The following GALNT15 variants were observed in gnomAD, a reference collection of about 807,000 sequenced individuals.
GALNT15 encodes UDP-GalNAc transferase T15.
In GALNT15, 67 loss-of-function variants were observed where a neutral mutation model predicts 66.8. That is an observed-to-expected ratio of 1.00 (90% CI 0.82 to 1.23). GALNT15 has a LOEUF of 1.23. GALNT15 is among the 50% of genes most tolerant of loss of function. GALNT15 has a pLI of 0.00. For missense variants in GALNT15, 827 were observed against 804.3 expected (o/e 1.03, Z -0.34); for synonymous variants, 313 against 311.5 (o/e 1.00, Z -0.05).
At position 16,219,374 on chromosome 3, in the gene GALNT15, C is replaced by T. The variant is rs199950493; in HGVS notation, c.1393-29C>T. On this transcript the variant is annotated intron_variant, in intron 6 of 9. Transcript: ENST00000339732. This position sits in a 1 kb window ranked among gnomAD's most constrained non-coding sequence, Gnocchi z 4.3. ...AATTCTGGGCAAGACAAGCTTTCAT[C>T]ATCCTGCTTGTGTCTTTCTCCTCCC... 21 of 1,611,354 alleles carry T rather than the reference C, an allele frequency of 1.3e-5. No individual in the cohort carries two copies. In the East Asian group the frequency reaches 1.3e-4, roughly 10 times the overall value.
chr3:16,200,988 G>A lies in GALNT15; in HGVS notation c.911+165G>A, dbSNP rs2063694696. ...TGTGTAAGTTTTTTAAGACTATAGA[G>A]TTAGAGTTGGAAAGGAGGTTAGAGG... On this transcript the variant is annotated intron_variant, in intron 3 of 9. Coordinates refer to ENST00000339732, the MANE Select transcript of GALNT15 (RefSeq NM_054110.5). This position sits in a 1 kb window ranked among gnomAD's most constrained non-coding sequence, Gnocchi z 4.4. 6.6e-6 allele frequency among the ~76,000 whole-genome samples: 1 copy of A among 151,880 alleles called. No homozygotes were observed. The highest frequency in any genetic ancestry group is 2.4e-5 in the African/African-American group (1 of 41,178).
the GALNT15 span, among the ~76,000 whole-genome samples, chr3:16,241,109 T>C: frequency 6.6e-6 from 1 of 152,220 alleles, no homozygotes; most frequent in Non-Finnish European, 1.5e-5. This position sits in a 1 kb window ranked among gnomAD's most constrained non-coding sequence, Gnocchi z 4.6. Context: ...ACCCCTCTTC[T>C]GGAGCACTGC....
At chr3:16,201,164 TTTTTTC>T (rs59395998) in intron 3 of GALNT15, among the ~76,000 whole-genome samples, 53,771 of 148,652 alleles carry the variant, frequency 0.36, 10,402 homozygotes, top group African/African-American at 0.5. Flanking sequence ...TTGGCAATTT[TTTTTTC>T]TTTTTCTTTT....
At position 16,222,612 on chromosome 3, in the gene GALNT15, C is replaced by G; in HGVS notation, c.1630-3C>G. ...GCGCTAACAACTATTGCTTCTGTCACAGTACCTGCAGCACACCAGCAGGAA... is the reference window on the plus strand; with the variant it reads ...GCGCTAACAACTATTGCTTCTGTCAGAGTACCTGCAGCACACCAGCAGGAA... On this transcript the variant is annotated splice_region_variant and splice_polypyrimidine_tract_variant and intron_variant, in intron 8 of 9. Coordinates refer to ENST00000339732, the MANE Select transcript of GALNT15 (RefSeq NM_054110.5). 3 of 1,614,224 alleles carry G rather than the reference C, an allele frequency of 1.9e-6. No homozygotes were observed. The highest frequency in any genetic ancestry group is 2.5e-6 in the Non-Finnish European group (3 of 1,180,030).
At chr3:16,246,204 C>T in the GALNT15 span, among the ~76,000 whole-genome samples, 1 of 152,154 alleles carries the variant, frequency 6.6e-6, no homozygotes, top group East Asian at 1.9e-4. Context: ...CTACAACCTC[C>T]TCTTCACACA....
rs1458083441 is a variant in GALNT15, at chr3:16,228,824, G to T, written c.*1324G>T. The stretch of plus-strand genomic sequence containing the variant: ...GTTAATGTCCATGAGAGCTGACAGG[G>T]CCATCTCTGAGCCCATATAACTGTC... On this transcript the variant is annotated 3_prime_UTR_variant, in exon 10 of 10. Transcript: ENST00000339732. 23 of 985,266 alleles carry T rather than the reference G, an allele frequency of 2.3e-5. No homozygotes were observed. The South Asian group carries it at 5.2e-4, about 22-fold the overall frequency. 61.0% of individuals were successfully genotyped at this position (985,266 alleles called of 1,614,324 possible).
chr3:16,175,587 G>T lies in GALNT15; in HGVS notation c.436G>T (p.Glu146Ter). 6.2e-7 allele frequency: 1 copy of T among 1,613,792 alleles called. No individual in the cohort carries two copies. The highest frequency in any genetic ancestry group is 8.5e-7 in the Non-Finnish European group (1 of 1,180,000). Reference sequence around the variant, plus strand: ...TGATGAGGACGGGGAGGTGTCTGAAGAAGAGGAGTTGACCCCGTTCAGCCT... The same window carrying T: ...TGATGAGGACGGGGAGGTGTCTGAATAAGAGGAGTTGACCCCGTTCAGCCT... ...GADEDGEVSE[E>*]EELTPFSLDP... The change falls in exon 1 of 10, where the codon GAA becomes TAA. Residue 146 changes from glutamate to a stop codon, truncating the protein, a stop_gained. Transcript: ENST00000339732. LOFTEE classifies it high-confidence loss of function. This position sits in a 1 kb window ranked among gnomAD's most constrained non-coding sequence, Gnocchi z 5.6.
chr3:16,214,454 G>A (rs538838515), intron 6 of GALNT15, among the ~76,000 whole-genome samples: 4 of 152,332 alleles, frequency 2.6e-5, no homozygotes, highest in East Asian at 3.9e-4. Context: ...GAATAAATAC[G>A]TTAATAAATC....
chr3:16,187,469 T>G lies in GALNT15; in HGVS notation c.540-8291T>G, dbSNP rs1404681419. ...GATGCTGGTCCTCAGCTGGGGCACT[T>G]TAGTTTTTCTTCAAGCAGACTGTAA... On this transcript the variant is annotated intron_variant, in intron 1 of 9. Coordinates refer to ENST00000339732, the MANE Select transcript of GALNT15 (RefSeq NM_054110.5). This position sits in a 1 kb window ranked among gnomAD's most constrained non-coding sequence, Gnocchi z 5.1. 6.6e-6 allele frequency among the ~76,000 whole-genome samples: 1 copy of G among 152,096 alleles called. No individual in the cohort carries two copies. The highest frequency in any genetic ancestry group is 1.5e-5 in the Non-Finnish European group (1 of 68,030).
intron 6 of GALNT15, among the ~76,000 whole-genome samples, chr3:16,218,324 G>T (rs191703929): frequency 1.4e-3 from 214 of 152,236 alleles, no homozygotes; most frequent in African/African-American, 5.0e-3. Context: ...TGGCCAGCTC[G>T]CTTCCTCTCC....
rs1019009823 is a variant in GALNT15, at chr3:16,215,916, A to AAACAAAAAAAAAAAAAAAAAAAAC, written c.1392+3155_1392+3156insCAAAAAAAAAAAAAAAAAAAACAA. Among the ~76,000 whole-genome samples, 338 of 143,434 alleles carry AAACAAAAAAAAAAAAAAAAAAAAC rather than the reference A, an allele frequency of 2.4e-3. 3 individuals carry two copies. Among genetic ancestry groups the AAACAAAAAAAAAAAAAAAAAAAAC allele is most frequent in the South Asian group, 0.02 (81 of 4,008 alleles). 94.1% of individuals were successfully genotyped at this position (143,434 alleles called of 152,430 possible). On this transcript the variant is annotated intron_variant, in intron 6 of 9. Transcript: ENST00000339732. ...AGAGGGAGACTCCGCCAAAAAAAAA[A>AAACAAAAAAAAAAAAAAAAAAAAC]AAAAAAAAAGAAGAGGAAGAAGAAG... is the stretch of plus-strand genomic sequence containing the variant.
At chr3:16,237,157 G>A in the GALNT15 span, among the ~76,000 whole-genome samples, 2 of 152,164 alleles carry the variant, frequency 1.3e-5, no homozygotes, top group African/African-American at 4.8e-5. This position sits in a 1 kb window ranked among gnomAD's most constrained non-coding sequence, Gnocchi z 4.2. Flanking sequence ...CTGATCTCTG[G>A]CGTTCAATTT....
rs1043423220 is a variant in GALNT15, at chr3:16,195,517, T to G, written c.540-243T>G. 6.6e-6 allele frequency among the ~76,000 whole-genome samples: 1 copy of G among 152,178 alleles called. No homozygotes were observed. ...GAGGATGACGGCAACGCTTCTCAATTGCAATGAGAGGGACTTTGGATTAAA... is the reference window on the plus strand; with the variant it reads ...GAGGATGACGGCAACGCTTCTCAATGGCAATGAGAGGGACTTTGGATTAAA... On this transcript the variant is annotated intron_variant, in intron 1 of 9. Transcript: ENST00000339732. This position sits in a 1 kb window ranked among gnomAD's most constrained non-coding sequence, Gnocchi z 4.6.
In GALNT15 at chr3:16,228,085, C is replaced by G; in HGVS notation, c.*585C>G. Reference sequence around the variant, plus strand: ...AGAGAAGATGCAAGAGCACTTTGGCCCAATTCTCCAGCTCAACCCAGCAGC... The same window carrying G: ...AGAGAAGATGCAAGAGCACTTTGGCGCAATTCTCCAGCTCAACCCAGCAGC... On this transcript the variant is annotated 3_prime_UTR_variant, in exon 10 of 10. Coordinates refer to ENST00000339732, the MANE Select transcript of GALNT15 (RefSeq NM_054110.5). 1.0e-6 allele frequency: 1 copy of G among 986,060 alleles called. No homozygotes were observed. The highest frequency in any genetic ancestry group is 1.2e-6 in the Non-Finnish European group (1 of 830,146). 61.1% of individuals were successfully genotyped at this position (986,060 alleles called of 1,614,324 possible).
In GALNT15 at chr3:16,225,652, G is replaced by T. The variant is rs1044231938; in HGVS notation, c.1774-1702G>T. Among the ~76,000 whole-genome samples the T allele has an allele frequency of 1.3e-4, 20 of 152,012 alleles. No homozygotes were observed. Among genetic ancestry groups the T allele is most frequent in the Admixed American group, 1.1e-3 (17 of 15,264 alleles). On this transcript the variant is annotated intron_variant, in intron 9 of 9. Coordinates refer to ENST00000339732, the MANE Select transcript of GALNT15 (RefSeq NM_054110.5). The surrounding 1 kb of genome is among the most constrained non-coding windows in gnomAD (Gnocchi z 4.4). Reference sequence around the variant, plus strand: ...AGAGGTTGCACTGAGCTGAGATCGTGCCACTGTACTCCAGCCTGGGTGACA... The same window carrying T: ...AGAGGTTGCACTGAGCTGAGATCGTTCCACTGTACTCCAGCCTGGGTGACA...
intron 5 of GALNT15, among the ~76,000 whole-genome samples, chr3:16,212,145 A>G (rs1023983527): frequency 6.6e-6 from 1 of 152,252 alleles, no homozygotes; most frequent in African/African-American, 2.4e-5. Context: ...TCTCTACCAC[A>G]AACAGCTTCT....
chr3:16,227,521 A>G lies in GALNT15; in HGVS notation c.*21A>G. On this transcript the variant is annotated 3_prime_UTR_variant, in exon 10 of 10. Transcript: ENST00000339732. The surrounding 1 kb of genome is among the most constrained non-coding windows in gnomAD (Gnocchi z 4.5). ...GATGAATGTCAATGTCAGAAGGAAA[A>G]GAGAATTTTGGCCATCAAAATCCAG... 6.2e-7 allele frequency: 1 copy of G among 1,614,156 alleles called. No homozygotes were observed. Among genetic ancestry groups the G allele is most frequent in the Non-Finnish European group, 8.5e-7 (1 of 1,180,002 alleles).
intron 2 of GALNT15, among the ~76,000 whole-genome samples, chr3:16,196,324 C>T (rs558600183): frequency 1.1e-3 from 170 of 152,284 alleles, no homozygotes; most frequent in Non-Finnish European, 2.0e-3. Flanking sequence ...CAGCACTTTA[C>T]ACATACGCAC....
At chr3:16,198,470 G>A (rs1298179432) in intron 2 of GALNT15, among the ~76,000 whole-genome samples, 1 of 141,872 alleles carries the variant, frequency 7.0e-6, no homozygotes, top group Admixed American at 7.2e-5. Context: ...TAGCTGTCCC[G>A]AGAAACATCA....
Sources: allele counts gnomAD v4.1 joint callset (sites outside exome capture counted in the v4.1 genomes callset), GRCh38; gene constraint gnomAD v4.1.1; non-coding constraint Gnocchi (gnomAD v3.1); transcripts MANE v1.5; gene names NCBI Gene and HGNC (gene_info 2026-07-23, HGNC 2026-07-21).